Variants in MTHFD1 observed in about 807,000 individuals in gnomAD.
The protein encoded by MTHFD1 is methylenetetrahydrofolate dehydrogenase, cyclohydrolase and formyltetrahydrofolate synthetase 1.
A neutral mutation model predicts 110.3 loss-of-function variants in MTHFD1; 44 were observed. That is an observed-to-expected ratio of 0.40 (90% confidence interval 0.31 to 0.51). MTHFD1 has a LOEUF of 0.51. Ranked by LOEUF, MTHFD1 falls within the 20% of genes least tolerant of loss-of-function variation. The pLI is 0.60. For synonymous variants in MTHFD1, 402 were observed against 428.8 expected (o/e 0.94, Z 0.77); for missense variants, 909 against 1,173.1 (o/e 0.77, Z 3.29).
chr14:64,398,455 G>C (rs555952495), intron 1 of MTHFD1, among the ~76,000 whole-genome samples: 2 of 152,302 alleles, frequency 1.3e-5, no homozygotes, highest in African/African-American at 4.8e-5. Flanking sequence ...GCTGAAGTGG[G>C]AGGATGGCTT....
Position 64,418,101 on chromosome 14 carries a change from C to T in MTHFD1, c.615+77C>T, listed in dbSNP as rs76247459. The stretch of plus-strand genomic sequence containing the variant: ...GCCAGAGGCTGCCATGTCCTTTACA[C>T]TCATGACCTCATTTAACCCCATCAT... On this transcript the variant is annotated intron_variant, in intron 7 of 27. Coordinates refer to ENST00000652337, the MANE Select transcript of MTHFD1 (RefSeq NM_005956.4). The T allele has an allele frequency of 8.5e-4, 1,307 of 1,529,006 alleles. 11 individuals are homozygous for T. The African/African-American group carries it at 0.016, about 18-fold the overall frequency. 94.7% of individuals were successfully genotyped at this position (1,529,006 alleles called of 1,614,324 possible). A position where few individuals can be genotyped will look rare whatever the true frequency, so the allele number is the denominator to read the frequency against.
chr14:64,454,546 CTT>C (rs59626407), intron 25 of MTHFD1, among the ~76,000 whole-genome samples, 175 bp from the exon 26 acceptor site: 44 of 133,274 alleles, frequency 3.3e-4, no homozygotes, highest in Admixed American at 4.5e-4. Flanking sequence ...CCCAACAGTT[CTT>C]TTTTTTTTTT....
At chr14:64,397,355 C>T (rs557795802) in intron 1 of MTHFD1, among the ~76,000 whole-genome samples, 2 of 149,310 alleles carry the variant, frequency 1.3e-5, no homozygotes, top group Non-Finnish European at 3.0e-5. Context: ...TGCAGTGGCG[C>T]GATCTCTGCT....
At position 64,454,809 on chromosome 14, in the gene MTHFD1, C is replaced by T; in HGVS notation, c.2652C>T (p.Phe884=). ...NPEQKGVPTG[F]ILPIRDIRAS... ...AGCAAAAAGGTGTCCCTACAGGCTT[C>T]ATTCTGCCCATTCGCGACATCCGCG... is the stretch of plus-strand genomic sequence containing the variant. The change falls in exon 26 of 28, where the codon TTC becomes TTT. Residue 884 remains phenylalanine, a synonymous_variant. Transcript: ENST00000652337. The T allele has an allele frequency of 1.2e-6, 2 of 1,614,216 alleles. No individual in the cohort carries two copies. The highest frequency in any genetic ancestry group is 1.1e-5 in the South Asian group (1 of 91,084).
intron 4 of MTHFD1, among the ~76,000 whole-genome samples, chr14:64,414,210 T>C (rs2078007117): frequency 6.6e-6 from 1 of 151,594 alleles, no homozygotes; most frequent in African/African-American, 2.4e-5. Flanking sequence ...CTCAAACTAC[T>C]GACCTCAAGT....
At chr14:64,404,084 A>G (rs1205922248) in intron 2 of MTHFD1, among the ~76,000 whole-genome samples, 1 of 152,240 alleles carries the variant, frequency 6.6e-6, no homozygotes, top group Non-Finnish European at 1.5e-5. Flanking sequence ...TGGTATTATT[A>G]TGAAGCTAGT....
At chr14:64,447,342 T>C (rs1277514474) in intron 22 of MTHFD1, among the ~76,000 whole-genome samples, 1 of 151,386 alleles carries the variant, frequency 6.6e-6, no homozygotes, top group African/African-American at 2.4e-5. Context: ...TTTTAATAGA[T>C]ACGGGGTTTC....
chr14:64,433,674 CAAA>C (rs1424618713), intron 15 of MTHFD1, among the ~76,000 whole-genome samples: 1 of 150,966 alleles, frequency 6.6e-6, no homozygotes, highest in Non-Finnish European at 1.5e-5. Context: ...CTTGGCATAC[CAAA>C]GTGCTGGGAT....
intron 27 of MTHFD1, chr14:64,458,510 G>A: frequency 1.7e-6 from 1 of 596,430 alleles, no homozygotes; most frequent in South Asian, 1.9e-5. Flanking sequence ...ACACATTTTT[G>A]GAAGAAGCGC....
At chr14:64,395,275 C>T (rs1472071991) in intron 1 of MTHFD1, among the ~76,000 whole-genome samples, 2 of 152,234 alleles carry the variant, frequency 1.3e-5, no homozygotes, top group African/African-American at 4.8e-5. Flanking sequence ...CATTAGATTA[C>T]TTCTTAACAC....
At chr14:64,427,541 C>T (rs532006885) in intron 12 of MTHFD1, 68 bp downstream of exon 12, 66 of 1,501,916 alleles carry the variant, frequency 4.4e-5, no homozygotes, top group Non-Finnish European at 5.3e-5. Context: ...CCCAGGCCCA[C>T]GCAACCTATG....
chr14:64,402,806 C>A (rs1361745051), intron 2 of MTHFD1, among the ~76,000 whole-genome samples: 5 of 149,028 alleles, frequency 3.4e-5, no homozygotes, highest in Non-Finnish European at 3.0e-5. Flanking sequence ...GATCCTGTCT[C>A]AAAAAAAAAT....
rs548084343 is a variant in MTHFD1 at position 64,400,819 on chromosome 14, A to G, written c.68A>G (p.Gln23Arg). The change falls in exon 2 of 28, where the codon CAA becomes CGA. Residue 23 changes from glutamine to arginine, a missense_variant. Physicochemically the swap from Gln to Arg is conservative, Grantham distance 43 (BLOSUM62 1). This residue lies in a region of MTHFD1 where 424 missense variants were observed against 510.4 expected (regional missense o/e 0.83). Coordinates refer to ENST00000652337, the MANE Select transcript of MTHFD1 (RefSeq NM_005956.4). The part of the protein sequence containing the change: ...SAQIRARLKN[Q>R]VTQLKEQVPG... ...CAAATAAGGGCGAGACTGAAAAATC[A>G]AGTCACTCAGTTGAAGGAGCAAGTA... 1.4e-5 allele frequency: 22 copies of G among 1,613,836 alleles called. No individual in the cohort carries two copies. The East Asian group carries it at 4.2e-4, about 31-fold the overall frequency.
Position 64,441,385 on chromosome 14 carries a change from G to C in MTHFD1, c.1816G>C (p.Gly606Arg), listed in dbSNP as rs756149617. Residue 606 changes from glycine to arginine, a missense_variant and splice_region_variant, in exon 19 of 28, where the codon GGG becomes CGG. Gly to Arg is a moderately radical substitution (Grantham distance 125). Transcript: ENST00000652337. ...KGEPVSAEDL[G>R]VSGALTVLMK... Reference sequence around the variant, plus strand: ...GATGCTGCACACATTTGTTTTGTAGGGGGTGAGTGGTGCACTGACAGTGCT... The same window carrying C: ...GATGCTGCACACATTTGTTTTGTAGCGGGTGAGTGGTGCACTGACAGTGCT... 2.5e-6 allele frequency: 4 copies of C among 1,613,888 alleles called. No individual in the cohort carries two copies. The highest frequency in any genetic ancestry group is 1.3e-5 in the African/African-American group (1 of 74,892).
At chr14:64,444,898 T>C in intron 22 of MTHFD1, 164 bp downstream of exon 22, 1 of 722,264 alleles carries the variant, frequency 1.4e-6, no homozygotes, top group Non-Finnish European at 2.5e-6. Flanking sequence ...AATGAGTAGA[T>C]AGGGAAGATG....
intron 19 of MTHFD1, 121 bp downstream of exon 19, chr14:64,441,574 A>C (rs545304067): frequency 1.2e-6 from 1 of 817,450 alleles, no homozygotes; most frequent in East Asian, 2.7e-5. Flanking sequence ...TGGGAGGCCA[A>C]GGTGGGCAGA....
intron 7 of MTHFD1, among the ~76,000 whole-genome samples, chr14:64,419,443 T>C (rs1201462335): frequency 6.6e-6 from 1 of 152,218 alleles, no homozygotes; most frequent in Non-Finnish European, 1.5e-5. Context: ...AGAGGCCTAG[T>C]ACTTTCTCTT....
chr14:64,429,107 T>C (rs909652642), intron 12 of MTHFD1, among the ~76,000 whole-genome samples: 8 of 151,244 alleles, frequency 5.3e-5, no homozygotes, highest in African/African-American at 1.9e-4. Context: ...GGTGGTAGAT[T>C]ACTTGAGGCC....
At position 64,431,803 on chromosome 14, in the gene MTHFD1, T is replaced by C; in HGVS notation, c.1436T>C (p.Leu479Ser). ...TTCTTTAAGGCTCTCTTTAATCGTT[T>C]GGTGCCATCAGTAAATGGAGTGAGA... ...TQTDKALFNRLVPSVNGVRRF... is the reference protein window; with the variant it reads ...TQTDKALFNRSVPSVNGVRRF... Residue 479 changes from leucine to serine, a missense_variant, in exon 15 of 28, where the codon TTG becomes TCG. Physicochemically the swap from Leu to Ser is moderately radical, Grantham distance 145. Transcript: ENST00000652337. 1 of 1,614,218 alleles carries C rather than the reference T, an allele frequency of 6.2e-7. No homozygotes were observed. The highest frequency in any genetic ancestry group is 8.5e-7 in the Non-Finnish European group (1 of 1,180,024).
Sources: allele counts gnomAD v4.1 joint callset (sites outside exome capture counted in the v4.1 genomes callset), GRCh38; gene constraint gnomAD v4.1.1; regional missense constraint gnomAD v4.1.1; transcripts MANE v1.5; gene names NCBI Gene and HGNC (gene_info 2026-07-23, HGNC 2026-07-21).